The following SNX24 variants were observed in gnomAD, a reference collection of about 807,000 sequenced individuals.
SNX24 encodes sorting nexin-24.
A neutral mutation model predicts 28.7 loss-of-function variants in SNX24; 22 were observed. The ratio of observed to expected loss-of-function variants is 0.77; its 90% CI spans 0.55 to 1.10. SNX24 has a LOEUF of 1.10. Among genes scored for constraint, SNX24 ranks in the 50% least tolerant of loss-of-function variants. The pLI is 0.00. For missense variants in SNX24, 221 were observed against 201.1 expected, an observed-to-expected ratio of 1.10 and a Z score of -0.60; for synonymous variants, 69 against 71.5, an observed-to-expected ratio of 0.96 and a Z score of 0.18.
At chr5:122,880,435 G>C (rs1756427207) in intron 1 of SNX24, among the ~76,000 whole-genome samples, 1 of 152,168 alleles carries the variant, frequency 6.6e-6, no homozygotes, top group Non-Finnish European at 1.5e-5. Flanking sequence ...TTATCTGTTA[G>C]TCAATGCCCC....
chr5:122,946,521 C>A (rs976285641), intron 3 of SNX24, among the ~76,000 whole-genome samples: 1 of 151,716 alleles, frequency 6.6e-6, no homozygotes, highest in African/African-American at 2.4e-5. Flanking sequence ...TTGAGTTTTG[C>A]GGGGCTGGTT....
At chr5:123,004,851 C>G (rs1380055174) in intron 6 of SNX24, among the ~76,000 whole-genome samples, 1 of 151,486 alleles carries the variant, frequency 6.6e-6, no homozygotes, top group African/African-American at 2.4e-5. Flanking sequence ...TGCTGATTCT[C>G]CCTCTCCACG....
Position 122,879,703 on chromosome 5 carries a change from TA to T in SNX24, c.60+34011del, listed in dbSNP as rs1164526192. Reference sequence around the variant, plus strand: ...TGTATGTATGTATGTATGTATTTAATAGAGACAGGGTCTCACTATGTTGTCC... The same window carrying T: ...TGTATGTATGTATGTATGTATTTAATGAGACAGGGTCTCACTATGTTGTCC... On this transcript the variant is annotated intron_variant, in intron 1 of 6. Coordinates refer to ENST00000261369, the MANE Select transcript of SNX24 (RefSeq NM_014035.4). Among the ~76,000 whole-genome samples, 3 of 152,224 alleles carry T rather than the reference TA, an allele frequency of 2.0e-5. No individual in the cohort carries two copies. In the East Asian group the frequency reaches 5.8e-4, roughly 29 times the overall value.
intron 3 of SNX24, among the ~76,000 whole-genome samples, chr5:122,977,320 T>C (rs894481846): frequency 6.6e-6 from 1 of 152,188 alleles, no homozygotes; most frequent in East Asian, 1.9e-4. Context: ...AACCCTCTCT[T>C]GCTCCAACCC....
intron 5 of SNX24, among the ~76,000 whole-genome samples, chr5:123,024,637 G>C (rs1310621638): frequency 6.6e-6 from 1 of 152,232 alleles, no homozygotes; most frequent in Non-Finnish European, 1.5e-5. Context: ...CAAGGAACAA[G>C]AAAGTAGGTT....
At position 122,900,018 on chromosome 5, in the gene SNX24, T is replaced by G. The variant is rs566525321; in HGVS notation, c.61-36716T>G. On this transcript the variant is annotated intron_variant, in intron 1 of 6. Transcript: ENST00000261369. Reference sequence around the variant, plus strand: ...TTTAAGATGTGCAATATGGTGTGGGTTTTTTTTTGTTTGTTTTTTGAGACA... The same window carrying G: ...TTTAAGATGTGCAATATGGTGTGGGGTTTTTTTTGTTTGTTTTTTGAGACA... Among the ~76,000 whole-genome samples the G allele has an allele frequency of 6.9e-4, 105 of 151,202 alleles. No individual in the cohort carries two copies. In the South Asian group the frequency reaches 0.011, roughly 15 times the overall value.
chr5:122,931,707 G>A (rs1432488091), intron 1 of SNX24, among the ~76,000 whole-genome samples: 2 of 152,068 alleles, frequency 1.3e-5, no homozygotes, highest in Non-Finnish European at 2.9e-5. Context: ...ACGATACACT[G>A]ACCTAAACTA....
At chr5:122,924,481 G>A (rs1048707333) in intron 1 of SNX24, among the ~76,000 whole-genome samples, 3 of 152,176 alleles carry the variant, frequency 2.0e-5, no homozygotes, top group Admixed American at 6.5e-5. Flanking sequence ...GCAAGACACC[G>A]TGGGACAGTG....
At chr5:122,995,964 C>G (rs1762039380) in intron 3 of SNX24, among the ~76,000 whole-genome samples, 3 of 152,282 alleles carry the variant, frequency 2.0e-5, no homozygotes, top group Middle Eastern at 3.4e-3. Context: ...AGTGGAAAAT[C>G]ATACTTTCCT....
chr5:123,007,540 C>T lies in SNX24; in HGVS notation c.443-142C>T, dbSNP rs1342463691. 4 of 774,036 alleles carry T rather than the reference C, an allele frequency of 5.2e-6. No homozygotes were observed. The African/African-American group carries it at 5.4e-5, about 10-fold the overall frequency. 47.9% of individuals were successfully genotyped at this position (774,036 alleles called of 1,614,324 possible). On this transcript the variant is annotated intron_variant, in intron 6 of 6. Coordinates refer to ENST00000261369, the MANE Select transcript of SNX24 (RefSeq NM_014035.4). The stretch of plus-strand genomic sequence containing the variant: ...AGCATGACTGATAGCACATCCTCAA[C>T]CAGGCACATGCCTGGCGATGCAGAT...
intron 1 of SNX24, among the ~76,000 whole-genome samples, chr5:122,877,382 G>A (rs1403258926): frequency 6.6e-6 from 1 of 152,144 alleles, no homozygotes; most frequent in African/African-American, 2.4e-5. Context: ...ACCTTGGTAT[G>A]CAGAATGTTT....
intron 3 of SNX24, among the ~76,000 whole-genome samples, chr5:122,994,357 G>A (rs978669224): frequency 5.9e-5 from 9 of 152,276 alleles, no homozygotes; most frequent in Middle Eastern, 3.4e-3. Context: ...CTTGTCGGAC[G>A]GCGTTATCCT....
intron 3 of SNX24, among the ~76,000 whole-genome samples, chr5:122,988,679 A>G (rs1356948628): frequency 2.6e-5 from 4 of 152,150 alleles, no homozygotes; most frequent in Non-Finnish European, 5.9e-5. Flanking sequence ...GATACAGTCT[A>G]TGATTTGTTT....
chr5:122,916,564 CT>C (rs1350213241), intron 1 of SNX24, among the ~76,000 whole-genome samples: 2 of 152,138 alleles, frequency 1.3e-5, no homozygotes, highest in African/African-American at 4.8e-5. Flanking sequence ...TTACCAAATA[CT>C]TTAAGCTTGA....
At chr5:122,991,721 A>G (rs1242357705) in intron 3 of SNX24, among the ~76,000 whole-genome samples, 1 of 152,166 alleles carries the variant, frequency 6.6e-6, no homozygotes, top group Non-Finnish European at 1.5e-5. Flanking sequence ...TTGGCCTCCC[A>G]AAGTTCTGGG....
intron 5 of SNX24, chr5:123,029,191 T>C (rs1762907871): frequency 6.4e-7 from 1 of 1,562,490 alleles, no homozygotes. Context: ...TAAAGTCAAA[T>C]GTGGTAAGGT....
intron 1 of SNX24, among the ~76,000 whole-genome samples, chr5:122,905,199 T>C (rs1308774898): frequency 6.6e-6 from 1 of 152,164 alleles, no homozygotes; most frequent in Non-Finnish European, 1.5e-5. Context: ...AGGATCCTGA[T>C]TCCATCCTGA....
chr5:122,964,501 C>T (rs930555716), intron 3 of SNX24, among the ~76,000 whole-genome samples: 1 of 151,886 alleles, frequency 6.6e-6, no homozygotes, highest in South Asian at 2.1e-4. Flanking sequence ...TTTTCTCGTG[C>T]ATGTTTATAA....
intron 3 of SNX24, among the ~76,000 whole-genome samples, chr5:122,950,119 C>T (rs1036636553): frequency 2.6e-5 from 4 of 152,162 alleles, no homozygotes; most frequent in Non-Finnish European, 5.9e-5. Flanking sequence ...TTAAGTATAA[C>T]AGTACCTTTC....
Sources: allele counts gnomAD v4.1 joint callset (sites outside exome capture counted in the v4.1 genomes callset), GRCh38; gene constraint gnomAD v4.1.1; transcripts MANE v1.5; gene names NCBI Gene and HGNC (gene_info 2026-07-23, HGNC 2026-07-21).